The following VPS50 variants were observed in gnomAD, a reference collection of about 807,000 sequenced individuals.
VPS50 encodes syndetin.
In VPS50, 70 loss-of-function variants were observed where a neutral mutation model predicts 139.7. The observed-to-expected ratio is 0.50, with a 90% CI of 0.41 to 0.61. VPS50 has a LOEUF of 0.61. VPS50 is among the 20% of genes least tolerant of loss of function. The pLI, the probability that VPS50 is intolerant of heterozygous loss-of-function variation, is 0.00. For missense variants in VPS50, 921 were observed against 1,133.7 expected (o/e 0.81, Z 2.69); for synonymous variants, 365 against 376.7 (o/e 0.97, Z 0.36).
intron 2 of VPS50, among the ~76,000 whole-genome samples, chr7:93,246,882 C>T (rs1408404957): frequency 6.6e-6 from 1 of 151,786 alleles, no homozygotes; most frequent in Non-Finnish European, 1.5e-5. Context: ...TATCATAATA[C>T]CTTACATTTG....
intron 20 of VPS50, among the ~76,000 whole-genome samples, chr7:93,315,644 G>A (rs1461223595): frequency 6.6e-6 from 1 of 152,160 alleles, no homozygotes; most frequent in East Asian, 1.9e-4. Flanking sequence ...ATTCAAAAAT[G>A]TATTTAATTA....
At position 93,296,794 on chromosome 7, in the gene VPS50, T is replaced by A. The variant is rs1796824139; in HGVS notation, c.1220T>A (p.Phe407Tyr). The change falls in exon 15 of 28, where the codon TTC (phenylalanine) becomes TAC (tyrosine). Residue 407 changes from phenylalanine to tyrosine, a missense_variant. Coordinates refer to ENST00000305866, the MANE Select transcript of VPS50 (RefSeq NM_017667.4). ...TYLLGTDLSI[F>Y]KYDDFIFVLD... ...TTGCTTGGAACTGATTTGTCTATAT[T>A]CAAATATGATGATTTCATCTTTGTT... 6.2e-7 allele frequency: 1 copy of A among 1,606,016 alleles called. No individual in the cohort carries two copies. The highest frequency in any genetic ancestry group is 1.3e-5 in the African/African-American group (1 of 74,632).
intron 9 of VPS50, among the ~76,000 whole-genome samples, chr7:93,262,161 G>A (rs1562857137): frequency 6.6e-6 from 1 of 152,226 alleles, no homozygotes; most frequent in African/African-American, 2.4e-5. Context: ...AAAGGTCACT[G>A]TCTGTTATAA....
intron 25 of VPS50, among the ~76,000 whole-genome samples, chr7:93,350,466 C>T (rs1371267298): frequency 6.6e-6 from 1 of 151,638 alleles, no homozygotes. Flanking sequence ...AGCCAATGAC[C>T]TGTGTTTATA....
At chr7:93,353,958 T>C (rs1444915981) in intron 26 of VPS50, among the ~76,000 whole-genome samples, 197 bp downstream of exon 26, 1 of 152,206 alleles carries the variant, frequency 6.6e-6, no homozygotes, top group Non-Finnish European at 1.5e-5. Context: ...GCTAGTGGCA[T>C]AGAACCAGCT....
chr7:93,335,095 G>C (rs1254832002), intron 22 of VPS50, among the ~76,000 whole-genome samples: 2 of 152,172 alleles, frequency 1.3e-5, no homozygotes, highest in African/African-American at 4.8e-5. Flanking sequence ...GCCAGGCATT[G>C]TTAAAGAGCT....
intron 16 of VPS50, among the ~76,000 whole-genome samples, chr7:93,301,039 A>G (rs1346888828): frequency 1.3e-5 from 2 of 152,116 alleles, no homozygotes; most frequent in Admixed American, 6.6e-5. Context: ...GTTCACGCCT[A>G]TAATCCCAGC....
Position 93,271,201 on chromosome 7 carries a change from T to C in VPS50, c.660-19T>C. On this transcript the variant is annotated intron_variant, in intron 9 of 27. Coordinates refer to ENST00000305866, the MANE Select transcript of VPS50 (RefSeq NM_017667.4). ...TTGTCTCAGAAATAGAAAAAAACTG[T>C]TTTTTTTTTTTTTAATAGTGAACTG... The C allele has an allele frequency of 2.2e-6, 1 of 453,058 alleles. No individual in the cohort carries two copies. Among genetic ancestry groups the C allele is most frequent in the Admixed American group, 4.2e-5 (1 of 23,988 alleles). 28.1% of individuals were successfully genotyped at this position (453,058 alleles called of 1,614,324 possible).
chr7:93,346,225 T>C (rs1305407161), intron 23 of VPS50, among the ~76,000 whole-genome samples: 2 of 152,290 alleles, frequency 1.3e-5, no homozygotes, highest in East Asian at 3.9e-4. Flanking sequence ...CCATTCACAA[T>C]TGCTTCAAAG....
intron 17 of VPS50, among the ~76,000 whole-genome samples, chr7:93,305,402 A>T (rs1343527092): frequency 6.6e-6 from 1 of 152,008 alleles, no homozygotes; most frequent in Non-Finnish European, 1.5e-5. Flanking sequence ...TTTCTGATGT[A>T]TTTGTACAGA....
At position 93,239,857 on chromosome 7, in the gene VPS50, T is replaced by G. The variant is rs752861697; in HGVS notation, c.34-9T>G. On this transcript the variant is annotated splice_polypyrimidine_tract_variant and intron_variant, in intron 1 of 27. Transcript: ENST00000305866. ...ATTAAAATTTTCCTCATCTTATTATTTTTTTAAGGGTCTGAAAAGCCCTCA... is the reference window on the plus strand; with the variant it reads ...ATTAAAATTTTCCTCATCTTATTATGTTTTTAAGGGTCTGAAAAGCCCTCA... The G allele has an allele frequency of 4.5e-6, 7 of 1,556,968 alleles. No homozygotes were observed. The highest frequency in any genetic ancestry group is 6.2e-6 in the Non-Finnish European group (7 of 1,129,332).
At position 93,341,529 on chromosome 7, in the gene VPS50, G is replaced by A. The variant is rs1248895939; in HGVS notation, c.2161G>A (p.Asp721Asn). 3 of 1,612,318 alleles carry A rather than the reference G, an allele frequency of 1.9e-6. No homozygotes were observed. Among genetic ancestry groups the A allele is most frequent in the Admixed American group, 3.3e-5 (2 of 59,904 alleles). Residue 721 changes from aspartate (D) to asparagine (N), a missense_variant, in exon 23 of 28, where the codon GAT (aspartate) becomes AAT (asparagine). This residue lies in a region of VPS50 where 744 missense variants were observed against 930.6 expected (regional missense o/e 0.80). Coordinates refer to ENST00000305866, the MANE Select transcript of VPS50 (RefSeq NM_017667.4). ...LSHLVVLTSGDTLYGLAERVV... is the reference protein window; with the variant it reads ...LSHLVVLTSGNTLYGLAERVV... ...TCACCTAGTGGTTTTGACATCTGGG[G>A]ATACGCTGTATGGGTTGGCAGAAAG...
intron 13 of VPS50, among the ~76,000 whole-genome samples, chr7:93,293,739 G>A (rs1796716521): frequency 6.6e-6 from 1 of 152,110 alleles, no homozygotes; most frequent in Admixed American, 6.5e-5. Context: ...CTATAGTTCA[G>A]GTGCACTGCC....
At chr7:93,257,612 A>T in intron 6 of VPS50, 148 bp downstream of exon 6, 1 of 529,016 alleles carries the variant, frequency 1.9e-6, no homozygotes, top group Non-Finnish European at 3.3e-6. Context: ...TGATCTAAAG[A>T]CTACACTAAG....
intron 25 of VPS50, among the ~76,000 whole-genome samples, chr7:93,352,119 T>A (rs1420884423): frequency 2.0e-5 from 3 of 152,210 alleles, no homozygotes; most frequent in South Asian, 4.1e-4. Context: ...AGCATTTAAT[T>A]TAGCAATAAG....
chr7:93,266,617 C>A (rs1224823644), intron 9 of VPS50, among the ~76,000 whole-genome samples: 1 of 152,122 alleles, frequency 6.6e-6, no homozygotes, highest in African/African-American at 2.4e-5. Flanking sequence ...TTGTTTGATT[C>A]GTTCCATTCA....
At chr7:93,309,912 A>G (rs533243430) in intron 19 of VPS50, among the ~76,000 whole-genome samples, 1 of 152,058 alleles carries the variant, frequency 6.6e-6, no homozygotes, top group East Asian at 1.9e-4. Context: ...TAAGCTACCT[A>G]TTTAATACTG....
chr7:93,316,946 C>T (rs1797446415), intron 20 of VPS50, among the ~76,000 whole-genome samples: 1 of 152,146 alleles, frequency 6.6e-6, no homozygotes, highest in African/African-American at 2.4e-5. Context: ...TACTATCCTT[C>T]CTACCCACTT....
chr7:93,273,011 G>T (rs1047848783), intron 11 of VPS50: 3 of 183,956 alleles, frequency 1.6e-5, no homozygotes, highest in Non-Finnish European at 3.4e-5. Flanking sequence ...TATATTATAA[G>T]ATAATTCAGT....
Sources: allele counts gnomAD v4.1 joint callset (sites outside exome capture counted in the v4.1 genomes callset), GRCh38; gene constraint gnomAD v4.1.1; regional missense constraint gnomAD v4.1.1; transcripts MANE v1.5; gene names NCBI Gene and HGNC (gene_info 2026-07-23, HGNC 2026-07-21).